AP4E1: variants seen among roughly 807,000 people sequenced by gnomAD.
AP4E1 encodes the protein adaptor related protein complex 4 subunit epsilon 1.
Under a neutral mutation model 128.2 loss-of-function variants are expected in AP4E1, and 56 were observed. The observed-to-expected ratio is 0.44, with a 90% CI of 0.35 to 0.55. AP4E1 has a LOEUF of 0.55. Ranked by LOEUF, AP4E1 falls within the 20% of genes least tolerant of loss-of-function variation. AP4E1 has a pLI of 0.00. For missense variants in AP4E1, 1,324 were observed against 1,307.7 expected, an observed-to-expected ratio of 1.01 and a Z score of -0.19; for synonymous variants, 484 against 473.1, an observed-to-expected ratio of 1.02 and a Z score of -0.30.
chr15:50,950,594 C>A (rs1231308903), intron 13 of AP4E1, among the ~76,000 whole-genome samples: 1 of 152,184 alleles, frequency 6.6e-6, no homozygotes, highest in East Asian at 1.9e-4. Flanking sequence ...TTATTAACTT[C>A]TTTTCTTCTT....
upstream of AP4E1, among the ~76,000 whole-genome samples, chr15:50,908,230 G>A (rs1291462013): frequency 6.6e-6 from 1 of 152,200 alleles, no homozygotes; most frequent in African/African-American, 2.4e-5. Flanking sequence ...AACTACTCGG[G>A]TGTCCCAAGA....
intron 1 of AP4E1, among the ~76,000 whole-genome samples, chr15:50,909,401 G>C (rs575575797): frequency 1.1e-4 from 16 of 152,090 alleles, no homozygotes; most frequent in Admixed American, 6.5e-4. Context: ...TTCAGATGTC[G>C]CATACCTGAA....
intron 15 of AP4E1, among the ~76,000 whole-genome samples, chr15:50,981,719 G>A (rs1015903643): frequency 6.6e-6 from 1 of 152,214 alleles, no homozygotes; most frequent in African/African-American, 2.4e-5. Context: ...GACCTAATAA[G>A]AGGTGATTAG....
rs890467494 is a variant in AP4E1, at chr15:50,955,506, A to G, written c.1549-2986A>G. Reference sequence around the variant, plus strand: ...TGTGATGGTGTTGTTCAGTTCTTCTATATCCTTGCTGATTCTTGGTCTAGT... The same window carrying G: ...TGTGATGGTGTTGTTCAGTTCTTCTGTATCCTTGCTGATTCTTGGTCTAGT... On this transcript the variant is annotated intron_variant, in intron 13 of 20. Coordinates refer to ENST00000261842, the MANE Select transcript of AP4E1 (RefSeq NM_007347.5). Among the ~76,000 whole-genome samples the G allele has an allele frequency of 2.0e-5, 3 of 152,144 alleles. No individual in the cohort carries two copies. In the East Asian group the frequency reaches 5.8e-4, roughly 29 times the overall value.
intron 4 of AP4E1, 67 bp downstream of exon 4, chr15:50,924,071 T>C (rs2063740501): frequency 6.8e-6 from 9 of 1,325,910 alleles, no homozygotes; most frequent in African/African-American, 2.9e-5. Context: ...TTCTCCTCGA[T>C]CATATTCAAC....
At chr15:50,917,374 G>T (rs2614792) in intron 3 of AP4E1, among the ~76,000 whole-genome samples, 86,326 of 151,604 alleles carry the variant, frequency 0.57, 24,754 homozygotes, top group African/African-American at 0.62. Flanking sequence ...TCTTTTCATC[G>T]CATTTCTTTT....
At chr15:50,981,625 A>G (rs1323813472) in intron 15 of AP4E1, among the ~76,000 whole-genome samples, 1 of 152,238 alleles carries the variant, frequency 6.6e-6, no homozygotes, top group Non-Finnish European at 1.5e-5. Context: ...TTGTTGGGGC[A>G]GGAGCAGAAT....
At chr15:50,908,167 G>A (rs1489261159), upstream of AP4E1, among the ~76,000 whole-genome samples, 4 of 152,204 alleles carry the variant, frequency 2.6e-5, no homozygotes, top group Non-Finnish European at 5.9e-5. Context: ...CCCGGCACGC[G>A]ACGGGCTCTC....
chr15:50,909,093 T>C (rs2063533085), intron 1 of AP4E1, among the ~76,000 whole-genome samples, 165 bp downstream of exon 1: 1 of 152,218 alleles, frequency 6.6e-6, no homozygotes, highest in African/African-American at 2.4e-5. Flanking sequence ...AAGCTTCACT[T>C]TCCTGCTGGG....
At chr15:50,955,168 G>A (rs11856128) in intron 13 of AP4E1, among the ~76,000 whole-genome samples, 37 of 152,098 alleles carry the variant, frequency 2.4e-4, no homozygotes, top group Non-Finnish European at 4.9e-4. Context: ...TTATAACACC[G>A]TGATTTATAA....
chr15:50,946,392 C>T (rs1416300900), intron 10 of AP4E1, among the ~76,000 whole-genome samples: 1 of 152,034 alleles, frequency 6.6e-6, no homozygotes, highest in African/African-American at 2.4e-5. Context: ...CCTATGATTC[C>T]ACATAACATT....
At chr15:50,959,237 A>G (rs2140879231) in intron 14 of AP4E1, among the ~76,000 whole-genome samples, 1 of 152,304 alleles carries the variant, frequency 6.6e-6, no homozygotes, top group East Asian at 1.9e-4. Context: ...ATTCAATCTA[A>G]AAAGATCTTC....
intron 10 of AP4E1, among the ~76,000 whole-genome samples, chr15:50,946,390 T>C (rs187695313): frequency 2.3e-4 from 35 of 152,322 alleles, no homozygotes; most frequent in African/African-American, 8.4e-4. Context: ...TTCCTATGAT[T>C]CCACATAACA....
At chr15:50,964,397 G>T (rs1335586573) in intron 14 of AP4E1, among the ~76,000 whole-genome samples, 1 of 144,404 alleles carries the variant, frequency 6.9e-6, no homozygotes, top group Non-Finnish European at 1.5e-5. Flanking sequence ...TTTTTGTTTT[G>T]TTTATCTGTG....
chr15:50,968,155 C>A, intron 14 of AP4E1, 108 bp from the exon 15 acceptor site: 1 of 796,410 alleles, frequency 1.3e-6, no homozygotes, highest in Non-Finnish European at 2.0e-6. Flanking sequence ...TTTCATTTCT[C>A]ATTTAGAATT....
At position 50,993,503 on chromosome 15, in the gene AP4E1, G is replaced by A. The variant is rs765820501; in HGVS notation, c.2224G>A (p.Asp742Asn). ...VPQESIMENVDQAITKKDQSQ... is the reference protein window; with the variant it reads ...VPQESIMENVNQAITKKDQSQ... ...TCAAGAGAGTATAATGGAGAATGTA[G>A]ATCAAGCTATAACTAAAAAGGATCA... Residue 742 changes from aspartate to asparagine, a missense_variant, in exon 17 of 21, where the codon GAT (aspartate) becomes AAT (asparagine). Asp to Asn is a conservative substitution (Grantham distance 23, BLOSUM62 1). Transcript: ENST00000261842. 6.2e-7 allele frequency: 1 copy of A among 1,613,986 alleles called. No homozygotes were observed. The highest frequency in any genetic ancestry group is 8.5e-7 in the Non-Finnish European group (1 of 1,179,974).
At chr15:50,912,760 T>A (rs1229850867) in intron 2 of AP4E1, among the ~76,000 whole-genome samples, 8 of 152,046 alleles carry the variant, frequency 5.3e-5, no homozygotes, top group Admixed American at 4.6e-4. Context: ...CCTCCTGGAT[T>A]CAACCGATTC....
chr15:50,912,080 A>G lies in AP4E1; in HGVS notation c.153A>G (p.Glu51=). The G allele has an allele frequency of 6.2e-7, 1 of 1,613,624 alleles. No individual in the cohort carries two copies. Among genetic ancestry groups the G allele is most frequent in the African/African-American group, 1.3e-5 (1 of 75,050 alleles). Reference sequence around the variant, plus strand: ...TTTAAATATTTTCACTTTCTCAGGAAGAAGAAAAATTAATCCAGCAGGAAC... The same window carrying G: ...TTTAAATATTTTCACTTTCTCAGGAGGAAGAAAAATTAATCCAGCAGGAAC... ...RGITALTSKH[E]EEKLIQQELS... is the part of the protein sequence containing the mutation. Residue 51 remains glutamate (E), a splice_region_variant and synonymous_variant, in exon 2 of 21, where the codon GAA becomes GAG. Coordinates refer to ENST00000261842, the MANE Select transcript of AP4E1 (RefSeq NM_007347.5).
At chr15:50,915,726 C>T in intron 3 of AP4E1, 155 bp downstream of exon 3, 1 of 911,128 alleles carries the variant, frequency 1.1e-6, no homozygotes, top group Non-Finnish European at 1.6e-6. Flanking sequence ...AAGTCAAAGC[C>T]ATTTATAGGA....
Sources: allele counts gnomAD v4.1 joint callset (sites outside exome capture counted in the v4.1 genomes callset), GRCh38; gene constraint gnomAD v4.1.1; transcripts MANE v1.5; gene names NCBI Gene and HGNC (gene_info 2026-07-23, HGNC 2026-07-21).